Variants in SHANK2 observed in about 807,000 individuals in gnomAD.
SHANK2 encodes SH3 and multiple ankyrin repeat domains protein 2.
In SHANK2, 43 loss-of-function variants were observed where a neutral mutation model predicts 133.7. The ratio of observed to expected loss-of-function variants is 0.32; its 90% CI spans 0.25 to 0.41. The LOEUF (loss-of-function observed/expected upper bound fraction) is 0.41. SHANK2 is among the 10% of genes least tolerant of loss of function. SHANK2 has a pLI of 1.00. For missense variants in SHANK2, 1,994 were observed against 2,235.8 expected (o/e 0.89, Z 2.18); for synonymous variants, 1,017 against 952.8 (o/e 1.07, Z -1.24).
chr11:70,511,445 G>T lies in SHANK2; in HGVS notation c.2062-8514C>A, dbSNP rs114406370. Among the ~76,000 whole-genome samples the T allele has an allele frequency of 9.3e-3, 1,419 of 152,278 alleles. 15 individuals carry two copies. The highest frequency in any genetic ancestry group is 0.032 in the African/African-American group (1,342 of 41,528). The stretch of plus-strand genomic sequence containing the variant: ...ACAGAAACTGCAGAATAGGTGAAAT[G>T]CTTGCTGTTTCCTCATATGCTCAGG... On this transcript the variant is annotated intron_variant, in intron 17 of 25. Transcript: ENST00000601538.
At chr11:70,823,455 G>A (rs1463161871) in intron 11 of SHANK2, among the ~76,000 whole-genome samples, 1 of 145,428 alleles carries the variant, frequency 6.9e-6, no homozygotes, top group African/African-American at 2.6e-5. Flanking sequence ...GGTCATAGGG[G>A]ACAGAGGTGG....
chr11:70,729,796 G>T (rs1946247818), intron 14 of SHANK2, among the ~76,000 whole-genome samples: 1 of 151,014 alleles, frequency 6.6e-6, no homozygotes, highest in Non-Finnish European at 1.5e-5. Context: ...GCCTCCCAAA[G>T]TGCTGGGATT....
At chr11:71,196,093 G>A (rs1591009375) in intron 2 of SHANK2, among the ~76,000 whole-genome samples, 1 of 152,090 alleles carries the variant, frequency 6.6e-6, no homozygotes, top group Non-Finnish European at 1.5e-5. Context: ...TGAGGCAGGA[G>A]GATTCCTTGA....
chr11:70,817,582 G>A (rs1267345197), intron 12 of SHANK2, among the ~76,000 whole-genome samples: 2 of 152,196 alleles, frequency 1.3e-5, no homozygotes, highest in African/African-American at 2.4e-5. Flanking sequence ...AGGTGACAAA[G>A]GGGACAGTCT....
chr11:70,949,357 C>G (rs760529403), intron 10 of SHANK2, among the ~76,000 whole-genome samples: 22 of 152,200 alleles, frequency 1.4e-4, no homozygotes, highest in Non-Finnish European at 2.9e-4. Flanking sequence ...CAAGCAGCTC[C>G]CCGGGGGCGC....
chr11:70,791,256 C>G (rs148643833), intron 14 of SHANK2, among the ~76,000 whole-genome samples: 44 of 152,316 alleles, frequency 2.9e-4, no homozygotes, highest in Non-Finnish European at 5.1e-4. Context: ...GACATGCACT[C>G]TGTCCTGGAT....
In SHANK2 at chr11:70,472,442, G is replaced by A. The variant is rs782103727; in HGVS notation, c.*427C>T. 3 of 247,142 alleles carry A rather than the reference G, an allele frequency of 1.2e-5. No homozygotes were observed. Among genetic ancestry groups the A allele is most frequent in the Non-Finnish European group, 1.6e-5 (2 of 126,290 alleles). 15.3% of individuals were successfully genotyped at this position (247,142 alleles called of 1,614,324 possible). A position where few individuals can be genotyped will look rare whatever the true frequency, so the allele number is the denominator to read the frequency against. ...CAGGACTGAGGAAAGGCCTCATGCC[G>A]GGGCCTGGGGTGGTGAGAGCTGCCC... On this transcript the variant is annotated 3_prime_UTR_variant, in exon 26 of 26. Transcript: ENST00000601538. The surrounding 1 kb of genome is among the most constrained non-coding windows in gnomAD (Gnocchi z 4.4).
intron 25 of SHANK2, among the ~76,000 whole-genome samples, chr11:70,482,449 A>G (rs2058747653): frequency 6.6e-6 from 1 of 152,182 alleles, no homozygotes; most frequent in African/African-American, 2.4e-5. Context: ...CATTCCTTCC[A>G]AGGCAGTCCC....
At chr11:70,554,148 C>T (rs1554978934) in intron 17 of SHANK2, among the ~76,000 whole-genome samples, 1 of 152,364 alleles carries the variant, frequency 6.6e-6, no homozygotes, top group African/African-American at 2.4e-5. Context: ...CAGCCCCTGT[C>T]CCCAGAAAAC....
At chr11:71,129,102 C>T (rs1952245303) in intron 3 of SHANK2, among the ~76,000 whole-genome samples, 1 of 152,198 alleles carries the variant, frequency 6.6e-6, no homozygotes, top group African/African-American at 2.4e-5. Flanking sequence ...TTTTTCTTTG[C>T]ATAACCAAAC....
chr11:71,061,894 G>A (rs1179875107), intron 9 of SHANK2, among the ~76,000 whole-genome samples: 1 of 151,418 alleles, frequency 6.6e-6, no homozygotes, highest in East Asian at 1.9e-4. Flanking sequence ...CCTGTGTCCT[G>A]ATCATGAGCC....
intron 14 of SHANK2, among the ~76,000 whole-genome samples, chr11:70,778,927 G>A (rs571398327): frequency 1.6e-4 from 25 of 152,200 alleles, no homozygotes; most frequent in African/African-American, 3.6e-4. Flanking sequence ...TGTACAAGGT[G>A]ACTTTTGCAG....
In SHANK2 at chr11:70,469,194, A is replaced by C. The variant is rs1359700390; in HGVS notation, c.*3675T>G. ...ACAGAAGCAGATTTTGACGTTTTGC[A>C]TAATTCTGAAATAACATGCACGTAT... On this transcript the variant is annotated 3_prime_UTR_variant, in exon 26 of 26. Transcript: ENST00000601538. 2 of 152,274 alleles carry C rather than the reference A, an allele frequency of 1.3e-5. No homozygotes were observed. Among genetic ancestry groups the C allele is most frequent in the African/African-American group, 4.8e-5 (2 of 41,472 alleles). The allele number at this position is 152,274 out of a possible 1,614,324, so 9.4% of individuals were successfully genotyped here. A position where few individuals can be genotyped will look rare whatever the true frequency, so the allele number is the denominator to read the frequency against.
Position 70,915,777 on chromosome 11 carries a change from A to G in SHANK2, c.1108-19210T>C, listed in dbSNP as rs148158194. Among the ~76,000 whole-genome samples, 308 of 152,358 alleles carry G rather than the reference A, an allele frequency of 2.0e-3. 6 individuals carry two copies. The highest frequency in any genetic ancestry group is 1.9e-3 in the East Asian group (10 of 5,178). ...AAGGGGACTCCCTTGAGGCTTGCTTAAGCTTGCCAAGGAGAAAGATGCGTT... is the reference window on the plus strand; with the variant it reads ...AAGGGGACTCCCTTGAGGCTTGCTTGAGCTTGCCAAGGAGAAAGATGCGTT... On this transcript the variant is annotated intron_variant, in intron 10 of 25. Coordinates refer to ENST00000601538, the MANE Select transcript of SHANK2 (RefSeq NM_012309.5).
intron 1 of SHANK2, among the ~76,000 whole-genome samples, chr11:71,249,918 A>G (rs1408350391): frequency 1.3e-5 from 2 of 152,084 alleles, no homozygotes; most frequent in Admixed American, 6.5e-5. Context: ...CTCACATCTG[A>G]TATCACCTGG....
At chr11:70,474,848 C>G (rs1343435148) in intron 25 of SHANK2, 1 of 152,302 alleles carries the variant, frequency 6.6e-6, no homozygotes, top group African/African-American at 2.4e-5. Context: ...GTGCACTTTT[C>G]TCCTGTCTCC....
At position 70,874,757 on chromosome 11, in the gene SHANK2, C is replaced by A. The variant is rs71469406; in HGVS notation, c.1174+21744G>T. Among the ~76,000 whole-genome samples, 308 of 151,780 alleles carry A rather than the reference C, an allele frequency of 2.0e-3. 2 individuals are homozygous for A. The highest frequency in any genetic ancestry group is 6.9e-3 in the Middle Eastern group (2 of 290). ...AAATTTTAAACACAGATGAAAACTC[C>A]GAGTGGCTACCTAGAATGACAGCAC... On this transcript the variant is annotated intron_variant, in intron 11 of 25. Transcript: ENST00000601538.
chr11:70,611,021 G>A (rs1271496562), intron 17 of SHANK2, among the ~76,000 whole-genome samples: 10 of 152,172 alleles, frequency 6.6e-5, no homozygotes, highest in Non-Finnish European at 1.0e-4. Flanking sequence ...CCCTTTGAAC[G>A]TCCAGAAAAA....
intron 8 of SHANK2, among the ~76,000 whole-genome samples, chr11:71,091,348 G>A (rs1555093973): frequency 6.6e-6 from 1 of 152,164 alleles, no homozygotes; most frequent in Admixed American, 6.5e-5. Context: ...GAAAGCCCAG[G>A]GAGGGCGGGG....
Sources: allele counts gnomAD v4.1 joint callset (sites outside exome capture counted in the v4.1 genomes callset), GRCh38; gene constraint gnomAD v4.1.1; non-coding constraint Gnocchi (gnomAD v3.1); transcripts MANE v1.5; gene names NCBI Gene and HGNC (gene_info 2026-07-23, HGNC 2026-07-21).